Variants in KIAA1958 observed in about 807,000 individuals in gnomAD.
The protein encoded by KIAA1958 is uncharacterized protein KIAA1958.
In KIAA1958, 14 loss-of-function variants were observed where a neutral mutation model predicts 47.2. The observed-to-expected ratio is 0.30, with a 90% CI of 0.20 to 0.46. The LOEUF (loss-of-function observed/expected upper bound fraction) is 0.46. KIAA1958 is among the 20% of genes least tolerant of loss of function. KIAA1958 has a pLI of 1.00. For missense variants in KIAA1958, 803 were observed against 909.2 expected (o/e 0.88, Z 1.50); for synonymous variants, 354 against 353.3 (o/e 1.00, Z -0.02).
At chr9:112,487,904 C>T (rs1833893550) in intron 1 of KIAA1958, among the ~76,000 whole-genome samples, 1 of 147,348 alleles carries the variant, frequency 6.8e-6, no homozygotes, top group Non-Finnish European at 1.5e-5. Context: ...AAAAAATGAA[C>T]GTGGCTGTGA....
At position 112,659,584 on chromosome 9, in the gene KIAA1958, C is replaced by T. The variant is rs1837225395; in HGVS notation, c.1666C>T (p.Leu556=). 6.2e-7 allele frequency: 1 copy of T among 1,613,380 alleles called. No homozygotes were observed. ...CLGDDSPITL[L]STVVKYNSQY... ...GGGGGATGACAGCCCTATCACTCTC[C>T]TGTCCACTGTGGTCAAGTACAACAG... The change falls in exon 4 of 4, where the codon CTG becomes TTG. Residue 556 remains leucine (L), a synonymous_variant. Coordinates refer to ENST00000337530, the MANE Select transcript of KIAA1958 (RefSeq NM_133465.4).
chr9:112,616,411 C>A (rs940231793), intron 2 of KIAA1958, among the ~76,000 whole-genome samples: 4 of 151,970 alleles, frequency 2.6e-5, no homozygotes, highest in Non-Finnish European at 4.4e-5. Flanking sequence ...TATAGTAATA[C>A]AAAAAGTAGT....
intron 1 of KIAA1958, among the ~76,000 whole-genome samples, chr9:112,552,084 T>TTG: frequency 6.6e-6 from 1 of 152,180 alleles, no homozygotes; most frequent in Non-Finnish European, 1.5e-5. Context: ...GTGAATATTT[T>TTG]TGTGTGTGAC....
intron 1 of KIAA1958, among the ~76,000 whole-genome samples, chr9:112,550,006 A>G (rs1211290479): frequency 6.6e-6 from 1 of 152,212 alleles, no homozygotes. Flanking sequence ...GCAAAGATCT[A>G]CTAGAGTTGA....
intron 2 of KIAA1958, among the ~76,000 whole-genome samples, chr9:112,625,789 G>A (rs1417231008): frequency 1.3e-5 from 2 of 151,900 alleles, no homozygotes; most frequent in African/African-American, 4.8e-5. Flanking sequence ...TTTCTTTTTG[G>A]AGTTTGATAG....
At chr9:112,639,141 T>C (rs1194536226) in intron 2 of KIAA1958, among the ~76,000 whole-genome samples, 1 of 152,238 alleles carries the variant, frequency 6.6e-6, no homozygotes, top group Non-Finnish European at 1.5e-5. Flanking sequence ...ATGCATTCTT[T>C]CCCTCTAAAC....
At position 112,659,621 on chromosome 9, in the gene KIAA1958, A is replaced by ACATGCGGACGCTGCAGGAG. The variant is rs1259483639; in HGVS notation, c.1712_1730dup (p.Leu578AlafsTer11). ...GTCAAGTACAACAGCCAGTACCTGA[A>ACATGCGGACGCTGCAGGAG]CATGCGGACGCTGCAGGAGCATGCG... On this transcript the variant is annotated frameshift_variant, in exon 4 of 4. Transcript: ENST00000337530. LOFTEE classifies it high-confidence loss of function. The ACATGCGGACGCTGCAGGAG allele has an allele frequency of 6.2e-7, 1 of 1,613,966 alleles. No homozygotes were observed. Among genetic ancestry groups the ACATGCGGACGCTGCAGGAG allele is most frequent in the African/African-American group, 1.3e-5 (1 of 74,938 alleles).
chr9:112,501,171 A>C (rs566853811), intron 1 of KIAA1958, among the ~76,000 whole-genome samples: 44 of 151,508 alleles, frequency 2.9e-4, no homozygotes, highest in Middle Eastern at 3.4e-3. Flanking sequence ...CAAAATAATG[A>C]GATTAAAAAG....
At chr9:112,651,277 A>G (rs1455163870) in intron 3 of KIAA1958, among the ~76,000 whole-genome samples, 1 of 151,838 alleles carries the variant, frequency 6.6e-6, no homozygotes, top group Non-Finnish European at 1.5e-5. Flanking sequence ...CATAAAACAA[A>G]TCTCAATTAA....
In KIAA1958 at chr9:112,522,019, T is replaced by C. The variant is rs565729631; in HGVS notation, c.-25+34901T>C. On this transcript the variant is annotated intron_variant, in intron 1 of 3. Coordinates refer to ENST00000337530, the MANE Select transcript of KIAA1958 (RefSeq NM_133465.4). The stretch of plus-strand genomic sequence containing the variant: ...CGAGTTTCGCTCTTGTTACCCAGGC[T>C]GGAGTGCAGTGGTGCAATCTTGGCT... Among the ~76,000 whole-genome samples the C allele has an allele frequency of 2.6e-5, 4 of 151,158 alleles. No homozygotes were observed. In the Admixed American group the frequency reaches 2.6e-4, roughly 10 times the overall value.
At position 112,659,608 on chromosome 9, in the gene KIAA1958, A is replaced by G; in HGVS notation, c.1690A>G (p.Ser564Gly). ...CCTGTCCACTGTGGTCAAGTACAAC[A>G]GCCAGTACCTGAACATGCGGACGCT... Reference protein sequence around the residue: ...TLLSTVVKYNSQYLNMRTLQE... With the variant: ...TLLSTVVKYNGQYLNMRTLQE... Residue 564 changes from serine (S) to glycine (G), a missense_variant, in exon 4 of 4, where the codon AGC (serine) becomes GGC (glycine). By Grantham distance (56) the Ser-to-Gly change is moderately conservative (BLOSUM62 0). Transcript: ENST00000337530. The G allele has an allele frequency of 6.2e-7, 1 of 1,614,048 alleles. No homozygotes were observed. The highest frequency in any genetic ancestry group is 8.5e-7 in the Non-Finnish European group (1 of 1,179,980).
intron 1 of KIAA1958, among the ~76,000 whole-genome samples, chr9:112,505,017 C>T (rs1834209133): frequency 1.3e-5 from 2 of 152,100 alleles, no homozygotes; most frequent in South Asian, 2.1e-4. Flanking sequence ...CCCTTTAAAT[C>T]GGTTATCTTC....
Position 112,659,689 on chromosome 9 carries a change from A to G in KIAA1958, c.1771A>G (p.Asn591Asp). 2 of 1,614,104 alleles carry G rather than the reference A, an allele frequency of 1.2e-6. No individual in the cohort carries two copies. The highest frequency in any genetic ancestry group is 1.7e-6 in the Non-Finnish European group (2 of 1,180,004). ...GDIELLKDPQ[N>D]QPYFARTDSV... Reference sequence around the variant, plus strand: ...CATCGAGCTGCTCAAAGACCCCCAAAACCAGCCCTACTTTGCCCGGACGGA... The same window carrying G: ...CATCGAGCTGCTCAAAGACCCCCAAGACCAGCCCTACTTTGCCCGGACGGA... Residue 591 changes from asparagine (N) to aspartate (D), a missense_variant, in exon 4 of 4, where the codon AAC (asparagine) becomes GAC (aspartate). Coordinates refer to ENST00000337530, the MANE Select transcript of KIAA1958 (RefSeq NM_133465.4).
intron 3 of KIAA1958, among the ~76,000 whole-genome samples, chr9:112,652,104 G>A (rs1172308960): frequency 6.6e-6 from 1 of 152,060 alleles, no homozygotes; most frequent in Non-Finnish European, 1.5e-5. Flanking sequence ...GGACTCAAGT[G>A]ATCCACCTGC....
intron 2 of KIAA1958, among the ~76,000 whole-genome samples, chr9:112,637,619 GC>G (rs927423586): frequency 1.3e-5 from 2 of 151,762 alleles, no homozygotes; most frequent in African/African-American, 4.8e-5. Context: ...CTCGTGATCT[GC>G]CCACCTCGGC....
At chr9:112,495,633 A>G (rs1484292743) in intron 1 of KIAA1958, among the ~76,000 whole-genome samples, 1 of 152,230 alleles carries the variant, frequency 6.6e-6, no homozygotes, top group African/African-American at 2.4e-5. Flanking sequence ...CATATCTACT[A>G]AAACTGGACA....
At chr9:112,567,959 C>CAAAAAAAAAAA (rs35931681) in intron 1 of KIAA1958, among the ~76,000 whole-genome samples, 2 of 66,180 alleles carry the variant, frequency 3.0e-5, no homozygotes, top group African/African-American at 1.3e-4. Flanking sequence ...GAATCCATCT[C>CAAAAAAAAAAA]AAAAAAAAAA....
intron 2 of KIAA1958, among the ~76,000 whole-genome samples, chr9:112,626,562 A>T (rs1390946661): frequency 6.6e-6 from 1 of 152,132 alleles, no homozygotes; most frequent in Non-Finnish European, 1.5e-5. Flanking sequence ...CCTAACAGTA[A>T]TTGTGTATAC....
At chr9:112,623,484 GA>G (rs944907582) in intron 2 of KIAA1958, among the ~76,000 whole-genome samples, 5 of 152,246 alleles carry the variant, frequency 3.3e-5, no homozygotes, top group African/African-American at 1.2e-4. Context: ...TGCTTCTGTA[GA>G]CCCTCTGAAG....
Sources: allele counts gnomAD v4.1 joint callset (sites outside exome capture counted in the v4.1 genomes callset), GRCh38; gene constraint gnomAD v4.1.1; transcripts MANE v1.5; gene names NCBI Gene and HGNC (gene_info 2026-07-23, HGNC 2026-07-21).